Variants in ANXA4 observed in about 807,000 individuals in gnomAD.
The protein encoded by ANXA4 is 35-beta calcimedin.
A neutral mutation model predicts 49.8 loss-of-function variants in ANXA4; 39 were observed. The ratio of observed to expected loss-of-function variants is 0.78; its 90% CI spans 0.61 to 1.02. The LOEUF is 1.02. Among genes scored for constraint, ANXA4 ranks in the 50% least tolerant of loss-of-function variants. The pLI, the probability that ANXA4 is intolerant of heterozygous loss-of-function variation, is 0.00. For synonymous variants in ANXA4, 134 were observed against 152.5 expected (o/e 0.88, Z 0.89); for missense variants, 360 against 410.1 (o/e 0.88, Z 1.05).
intron 1 of ANXA4, among the ~76,000 whole-genome samples, chr2:69,778,391 A>G (rs1043073184): frequency 6.6e-6 from 1 of 152,210 alleles, no homozygotes; most frequent in African/African-American, 2.4e-5. Flanking sequence ...GCCAAGTTAC[A>G]ATGCATCTCT....
intron 11 of ANXA4, 49 bp downstream of exon 11, chr2:69,819,387 TC>T: frequency 7.0e-7 from 1 of 1,424,024 alleles, no homozygotes; most frequent in Non-Finnish European, 9.8e-7. Context: ...TTATCTTGTG[TC>T]CACCTTCTTA....
chr2:69,658,037 C>T (rs887618858), intron 2 of ANXA4, among the ~76,000 whole-genome samples: 2 of 151,928 alleles, frequency 1.3e-5, no homozygotes, highest in Non-Finnish European at 2.9e-5. Context: ...AGGTTTTATT[C>T]TCAAAAATTA....
At chr2:69,760,754 A>G (rs1187689137) in intron 1 of ANXA4, among the ~76,000 whole-genome samples, 1 of 152,230 alleles carries the variant, frequency 6.6e-6, no homozygotes, top group African/African-American at 2.4e-5. Flanking sequence ...AGATAGTCTG[A>G]CCATTCATGT....
At chr2:69,714,391 G>GATA (rs1678801295) in intron 2 of ANXA4, among the ~76,000 whole-genome samples, 1 of 152,200 alleles carries the variant, frequency 6.6e-6, no homozygotes, top group Admixed American at 6.5e-5. Context: ...CGACTCTATA[G>GATA]AATACAAGCA....
At chr2:69,798,404 T>C (rs1462068770) in intron 3 of ANXA4, among the ~76,000 whole-genome samples, 1 of 152,178 alleles carries the variant, frequency 6.6e-6, no homozygotes, top group Non-Finnish European at 1.5e-5. Flanking sequence ...GAAAATAAGA[T>C]TTGCAATAGG....
At chr2:69,720,106 G>C (rs1171841736) in intron 2 of ANXA4, among the ~76,000 whole-genome samples, 9 of 152,194 alleles carry the variant, frequency 5.9e-5, no homozygotes, top group Non-Finnish European at 1.2e-4. Flanking sequence ...TAAGCAAGCA[G>C]ACTAGAGACT....
At chr2:69,682,004 AC>A (rs1677616619) in intron 2 of ANXA4, among the ~76,000 whole-genome samples, 1 of 151,802 alleles carries the variant, frequency 6.6e-6, no homozygotes, top group Admixed American at 6.6e-5. Flanking sequence ...GTCTGGCTAA[AC>A]TTTTTTAATG....
At chr2:69,686,640 A>G (rs1013694672) in intron 2 of ANXA4, among the ~76,000 whole-genome samples, 1 of 152,130 alleles carries the variant, frequency 6.6e-6, no homozygotes, top group African/African-American at 2.4e-5. Flanking sequence ...AATTTTTTGT[A>G]GAAACGGGGT....
intron 1 of ANXA4, among the ~76,000 whole-genome samples, chr2:69,777,149 C>T (rs13410896): frequency 0.045 from 6,782 of 152,262 alleles, 521 homozygotes; most frequent in African/African-American, 0.15. Flanking sequence ...TCCAGGCGCA[C>T]GTCTTCCCAG....
chr2:69,813,216 G>A (rs934797344), intron 8 of ANXA4, among the ~76,000 whole-genome samples: 3 of 151,896 alleles, frequency 2.0e-5, no homozygotes, highest in Non-Finnish European at 4.4e-5. Flanking sequence ...AATAAAAAGT[G>A]GGTCATTACC....
At chr2:69,664,960 G>C (rs1055035164) in intron 2 of ANXA4, among the ~76,000 whole-genome samples, 7 of 152,080 alleles carry the variant, frequency 4.6e-5, no homozygotes, top group African/African-American at 1.7e-4. Context: ...AAAATTAGCT[G>C]AGTGTCATGG....
chr2:69,804,444 G>C, intron 3 of ANXA4, 89 bp from the exon 4 acceptor site: 1 of 1,192,578 alleles, frequency 8.4e-7, no homozygotes, highest in Non-Finnish European at 1.2e-6. Context: ...CTCTGCATGT[G>C]TTTGGGTAAC....
chr2:69,794,450 A>G (rs1222833509), intron 3 of ANXA4, among the ~76,000 whole-genome samples: 1 of 151,884 alleles, frequency 6.6e-6, no homozygotes. Context: ...CCTTTTTGTT[A>G]CATAGAGACT....
At chr2:69,679,226 T>C (rs1413736730) in intron 2 of ANXA4, among the ~76,000 whole-genome samples, 1 of 152,152 alleles carries the variant, frequency 6.6e-6, no homozygotes, top group Non-Finnish European at 1.5e-5. Flanking sequence ...AGCCTCAACC[T>C]CCTGGGCTCA....
chr2:69,801,651 AC>A (rs1309506736), intron 3 of ANXA4, among the ~76,000 whole-genome samples: 3 of 151,622 alleles, frequency 2.0e-5, no homozygotes, highest in Admixed American at 6.6e-5. Flanking sequence ...TGATCCACCC[AC>A]CCCAGCCTCC....
intron 12 of ANXA4, among the ~76,000 whole-genome samples, chr2:69,821,154 A>T (rs1674229564): frequency 6.6e-6 from 1 of 152,238 alleles, no homozygotes; most frequent in African/African-American, 2.4e-5. Flanking sequence ...GGCAGGGGCC[A>T]GCTGAGGTCT....
At chr2:69,662,755 C>A (rs1676767980) in intron 2 of ANXA4, among the ~76,000 whole-genome samples, 1 of 152,048 alleles carries the variant, frequency 6.6e-6, no homozygotes, top group Non-Finnish European at 1.5e-5. Context: ...CACCCACTTA[C>A]ACACGCACTC....
rs201971141 is a variant in ANXA4 at position 69,783,555 on chromosome 2, TA to T, written c.9+1982del. Among the ~76,000 whole-genome samples, 767 of 152,364 alleles carry T rather than the reference TA, an allele frequency of 5.0e-3. 10 individuals carry two copies. Among genetic ancestry groups the T allele is most frequent in the African/African-American group, 0.018 (737 of 41,578 alleles). ...AAAAAATTTTCCAAATTCTCTATAA[TA>T]TTTTTTAAATCATTGTATTCAAGAT... On this transcript the variant is annotated intron_variant, in intron 2 of 12. Transcript: ENST00000394295.
At chr2:69,823,307 C>T (rs1187765845) in intron 12 of ANXA4, among the ~76,000 whole-genome samples, 9 of 150,570 alleles carry the variant, frequency 6.0e-5, no homozygotes, top group Admixed American at 5.3e-4. Flanking sequence ...ATAAAGAATA[C>T]ATTACTCATT....
Sources: gnomAD v4.1 joint callset for allele counts (sites outside exome capture counted in the v4.1 genomes callset) on GRCh38, gnomAD v4.1.1 for gene constraint, MANE v1.5 for transcripts, NCBI Gene and HGNC (gene_info 2026-07-23, HGNC 2026-07-21) for gene names.